SDHAF2: variants seen among roughly 807,000 people sequenced by gnomAD.
The protein encoded by SDHAF2 is succinate dehydrogenase assembly factor 2, mitochondrial.
In SDHAF2, 21 loss-of-function variants were observed where a neutral mutation model predicts 18.5. The ratio of observed to expected loss-of-function variants is 1.13; its 90% CI spans 0.80 to 1.63. The LOEUF is 1.63. Among genes scored for constraint, SDHAF2 ranks in the 40% most tolerant of loss-of-function variants. The pLI is 0.00. For missense variants in SDHAF2, 195 were observed against 200.3 expected, an observed-to-expected ratio of 0.97 and a Z score of 0.16; for synonymous variants, 84 against 70.7, an observed-to-expected ratio of 1.19 and a Z score of -0.94.
intron 1 of SDHAF2, chr11:61,432,357 T>C (rs1861944122): frequency 6.6e-6 from 1 of 152,256 alleles, no homozygotes; most frequent in African/African-American, 2.4e-5. Context: ...CAGTCTCTTA[T>C]ATAAAATGGC....
chr11:61,430,496 CTT>C (rs1861860408), intron 1 of SDHAF2: 1 of 501,316 alleles, frequency 2.0e-6, no homozygotes, highest in Non-Finnish European at 3.5e-6. Flanking sequence ...GTTCTTTAGT[CTT>C]TAATGCTTTT....
chr11:61,439,827 T>C (rs796611858), intron 3 of SDHAF2, among the ~76,000 whole-genome samples: 16 of 152,350 alleles, frequency 1.1e-4, no homozygotes, highest in African/African-American at 3.8e-4. Context: ...TGTACCATGG[T>C]CTGTTCATCT....
intron 3 of SDHAF2, among the ~76,000 whole-genome samples, chr11:61,438,872 T>C (rs966640476): frequency 6.6e-6 from 1 of 151,980 alleles, no homozygotes; most frequent in Admixed American, 6.6e-5. Context: ...CAGCGAAACC[T>C]CATCTCTCCA....
chr11:61,439,751 G>A (rs1862040341), intron 3 of SDHAF2, among the ~76,000 whole-genome samples: 1 of 152,142 alleles, frequency 6.6e-6, no homozygotes, highest in Non-Finnish European at 1.5e-5. Flanking sequence ...TTTGAGATGC[G>A]TATCCTTGTT....
At chr11:61,442,487 A>G (rs1862079959) in intron 3 of SDHAF2, among the ~76,000 whole-genome samples, 2 of 151,656 alleles carry the variant, frequency 1.3e-5, no homozygotes, top group African/African-American at 4.8e-5. Flanking sequence ...TCTTTTCAAT[A>G]TTTTGTCTTT....
rs876658350 is a variant in SDHAF2, at chr11:61,438,090, G to A, written c.347G>A (p.Trp116Ter). Residue 116 changes from tryptophan to a stop codon, truncating the protein, a stop_gained, in exon 3 of 4, where the codon TGG (tryptophan) becomes TAG (stop). Transcript: ENST00000301761. LOFTEE classifies it high-confidence loss of function. Reference sequence around the variant, plus strand: ...CTGATTAACGAGCCTAGTAATGACTGGGATATTTACTACTGGGCCACAGGT... The same window carrying A: ...CTGATTAACGAGCCTAGTAATGACTAGGATATTTACTACTGGGCCACAGGT... The part of the protein sequence containing the change: ...DRLINEPSND[W>*]DIYYWATEAK... 1.2e-6 allele frequency: 2 copies of A among 1,613,342 alleles called. No homozygotes were observed. Among genetic ancestry groups the A allele is most frequent in the Non-Finnish European group, 1.7e-6 (2 of 1,179,438 alleles).
In SDHAF2 at chr11:61,436,738, A is replaced by G. The variant is rs569504537; in HGVS notation, c.37-887A>G. On this transcript the variant is annotated intron_variant, in intron 1 of 3. Coordinates refer to ENST00000301761, the MANE Select transcript of SDHAF2 (RefSeq NM_017841.4). Reference sequence around the variant, plus strand: ...CTCACCTGGGGAGCAGGAGCCTCTTACTGGTTTCTGGATTTCTCACAGGGA... The same window carrying G: ...CTCACCTGGGGAGCAGGAGCCTCTTGCTGGTTTCTGGATTTCTCACAGGGA... The G allele has an allele frequency of 7.0e-4, 369 of 524,618 alleles. 5 individuals carry two copies. Among genetic ancestry groups the G allele is most frequent in the South Asian group, 5.6e-3 (357 of 64,122 alleles). 32.5% of individuals were successfully genotyped at this position (524,618 alleles called of 1,614,324 possible).
Position 61,430,145 on chromosome 11 carries a change from A to G in SDHAF2, c.-2A>G, listed in dbSNP as rs1412338971. 3.1e-6 allele frequency: 5 copies of G among 1,614,202 alleles called. No homozygotes were observed. The highest frequency in any genetic ancestry group is 4.2e-6 in the Non-Finnish European group (5 of 1,180,020). ...AGCCGGTTTCCGGTGCAGGTGGGGA[A>G]AATGGCGGTGTCTACAGTGTTCTCG... On this transcript the variant is annotated 5_prime_UTR_variant, in exon 1 of 4. Coordinates refer to ENST00000301761, the MANE Select transcript of SDHAF2 (RefSeq NM_017841.4).
At chr11:61,432,730 A>C (rs1453516488) in intron 1 of SDHAF2, 2 of 151,590 alleles carry the variant, frequency 1.3e-5, no homozygotes, top group Non-Finnish European at 2.9e-5. Flanking sequence ...TGAGAAACGA[A>C]TTTCTCATTT....
At chr11:61,431,460 A>G (rs952451993) in intron 1 of SDHAF2, 1 of 152,208 alleles carries the variant, frequency 6.6e-6, no homozygotes, top group Non-Finnish European at 1.5e-5. Context: ...GGTGTGATCC[A>G]CCATTCCCGG....
At chr11:61,433,176 C>G (rs1000591428) in intron 1 of SDHAF2, 2 of 151,930 alleles carry the variant, frequency 1.3e-5, no homozygotes, top group African/African-American at 4.8e-5. Flanking sequence ...GTAGCTGAGA[C>G]TACAGGCGCC....
intron 3 of SDHAF2, among the ~76,000 whole-genome samples, chr11:61,443,001 T>C (rs1862089416): frequency 6.6e-6 from 1 of 152,256 alleles, no homozygotes; most frequent in South Asian, 2.1e-4. Context: ...GTGATCCGTC[T>C]GCCTCAGTCC....
chr11:61,443,938 T>A (rs1372925498), intron 3 of SDHAF2, among the ~76,000 whole-genome samples: 1 of 152,116 alleles, frequency 6.6e-6, no homozygotes, highest in Non-Finnish European at 1.5e-5. Context: ...CACGCCCGGC[T>A]AATTTTTTGT....
chr11:61,445,820 G>A, intron 3 of SDHAF2, 121 bp from the exon 4 acceptor site: 1 of 1,149,794 alleles, frequency 8.7e-7, no homozygotes, highest in Non-Finnish European at 1.3e-6. Flanking sequence ...TTTAGAAGAA[G>A]GATGGAGACA....
At chr11:61,444,205 A>G (rs1368963684) in intron 3 of SDHAF2, 2 of 152,206 alleles carry the variant, frequency 1.3e-5, no homozygotes, top group Admixed American at 1.3e-4. Context: ...GAGCCCAGGA[A>G]TTCTTGGCTG....
chr11:61,444,342 G>A (rs1476534174), intron 3 of SDHAF2: 3 of 152,330 alleles, frequency 2.0e-5, no homozygotes, highest in Non-Finnish European at 2.9e-5. Flanking sequence ...GGGACAGGTC[G>A]AAATTCCTGT....
intron 3 of SDHAF2, among the ~76,000 whole-genome samples, chr11:61,440,166 T>A (rs1034800725): frequency 2.0e-5 from 3 of 151,336 alleles, no homozygotes; most frequent in African/African-American, 7.3e-5. Context: ...AATGCAAAAG[T>A]TAGCCGCGTG....
In SDHAF2 at chr11:61,437,024, T is replaced by G. The variant is rs368756030; in HGVS notation, c.37-601T>G. The G allele has an allele frequency of 4.3e-6, 5 of 1,169,978 alleles. No individual in the cohort carries two copies. In the East Asian group the frequency reaches 1.9e-4, roughly 44 times the overall value. 72.5% of individuals were successfully genotyped at this position (1,169,978 alleles called of 1,614,324 possible). On this transcript the variant is annotated intron_variant, in intron 1 of 3. Transcript: ENST00000301761. ...AAGGGAGTGCAAAGGAAGGAAAAATTATTTCTGCTGGGATAGTTTCTGGAA... is the reference window on the plus strand; with the variant it reads ...AAGGGAGTGCAAAGGAAGGAAAAATGATTTCTGCTGGGATAGTTTCTGGAA...
chr11:61,445,755 C>T (rs960496789), intron 3 of SDHAF2, among the ~76,000 whole-genome samples, 186 bp from the exon 4 acceptor site: 5 of 152,148 alleles, frequency 3.3e-5, no homozygotes, highest in African/African-American at 1.2e-4. Context: ...AAACGACTTG[C>T]AAATATAGGC....
Sources: gnomAD v4.1 joint callset for allele counts (sites outside exome capture counted in the v4.1 genomes callset) on GRCh38, gnomAD v4.1.1 for gene constraint, MANE v1.5 for transcripts, NCBI Gene and HGNC (gene_info 2026-07-23, HGNC 2026-07-21) for gene names.